The following SF3B2 variants were observed in gnomAD, a reference collection of about 807,000 sequenced individuals.
SF3B2 encodes the protein SAP 145.
SF3B2 carries 22 observed loss-of-function variants against 116.3 expected under a neutral mutation model. The observed-to-expected ratio is 0.19, with a 90% CI of 0.14 to 0.27. SF3B2 has a LOEUF of 0.27. Among genes scored for constraint, SF3B2 ranks in the 10% least tolerant of loss-of-function variants. The pLI is 1.00. For missense variants in SF3B2, 767 were observed against 1,151.4 expected (o/e 0.67, Z 4.83); for synonymous variants, 406 against 421.6 (o/e 0.96, Z 0.45).
Position 66,055,093 on chromosome 11 carries a change from G to GCCA in SF3B2, c.285_287dup (p.Pro96dup), listed in dbSNP as rs1457691168. On this transcript the variant is annotated inframe_insertion, in exon 4 of 22. Transcript: ENST00000322535. ...CTCCACAGCTCCCTGGAATTCCCAT[G>GCCA]CCACCACCACCTTTGGGACTCCCCC... 6 of 1,514,526 alleles carry GCCA rather than the reference G, an allele frequency of 4.0e-6. No homozygotes were observed. Among genetic ancestry groups the GCCA allele is most frequent in the Non-Finnish European group, 5.3e-6 (6 of 1,130,266 alleles). The allele number at this position is 1,514,526 out of a possible 1,614,324, so 93.8% of individuals were successfully genotyped here.
At chr11:66,056,731 G>A (rs763968515) in intron 5 of SF3B2, 107 bp from the exon 6 acceptor site, 19 of 800,082 alleles carry the variant, frequency 2.4e-5, no homozygotes, top group Middle Eastern at 2.4e-4. Flanking sequence ...CAAGTGGTTC[G>A]TGATTGTTCT....
intron 7 of SF3B2, among the ~76,000 whole-genome samples, chr11:66,057,790 T>C (rs1323396192): frequency 6.6e-6 from 1 of 151,712 alleles, no homozygotes; most frequent in African/African-American, 2.4e-5. Flanking sequence ...AGCCTCAACA[T>C]GGAGAAACCC....
chr11:66,065,912 GC>G (rs1316806988), intron 19 of SF3B2: 1 of 152,154 alleles, frequency 6.6e-6, no homozygotes, highest in African/African-American at 2.4e-5. Flanking sequence ...TTGCCCTGTT[GC>G]CTAGGCTGGA....
chr11:66,052,721 T>C lies in SF3B2; in HGVS notation c.180+2T>C. On this transcript the variant is annotated splice_donor_variant, in intron 2 of 21. Transcript: ENST00000322535. LOFTEE classifies it high-confidence loss of function. ...CGGCTGCAGAGCTACACCCGCCAGGTAGGTGTTGGCGGCGGGACGTCAGGA... is the reference window on the plus strand; with the variant it reads ...CGGCTGCAGAGCTACACCCGCCAGGCAGGTGTTGGCGGCGGGACGTCAGGA... 6.4e-7 allele frequency: 1 copy of C among 1,567,034 alleles called. No individual in the cohort carries two copies. Among genetic ancestry groups the C allele is most frequent in the African/African-American group, 1.4e-5 (1 of 72,930 alleles).
Position 66,063,697 on chromosome 11 carries a change from G to A in SF3B2, c.2298G>A (p.Leu766=), listed in dbSNP as rs757095846. The part of the protein sequence containing the change: ...AGMETPELIE[L]RKKKIEEAMD... ...TGGAGACCCCTGAACTCATTGAGCTGAGGAAGAAGAAGATTGAGGAGGCGA... is the reference window on the plus strand; with the variant it reads ...TGGAGACCCCTGAACTCATTGAGCTAAGGAAGAAGAAGATTGAGGAGGCGA... Residue 766 remains leucine, a synonymous_variant, in exon 19 of 22, where the codon CTG becomes CTA. Transcript: ENST00000322535. 6.2e-7 allele frequency: 1 copy of A among 1,613,316 alleles called. No individual in the cohort carries two copies. Among genetic ancestry groups the A allele is most frequent in the Non-Finnish European group, 8.5e-7 (1 of 1,179,686 alleles).
In SF3B2 at chr11:66,052,684, G is replaced by A; in HGVS notation, c.145G>A (p.Glu49Lys). 1 of 1,592,978 alleles carries A rather than the reference G, an allele frequency of 6.3e-7. No individual in the cohort carries two copies. Among genetic ancestry groups the A allele is most frequent in the Non-Finnish European group, 8.5e-7 (1 of 1,171,044 alleles). The change falls in exon 2 of 22, where the codon GAG becomes AAG. Residue 49 changes from glutamate to lysine, a missense_variant. Transcript: ENST00000322535. The part of the protein sequence containing the change: ...IGAPIQGNRE[E>K]LVERLQSYTR... ...ACTTTGCCCTGCAGGTAATCGCGAG[G>A]AGCTGGTGGAGCGGCTGCAGAGCTA...
chr11:66,067,174 T>C (rs537650738), intron 19 of SF3B2: 40 of 267,832 alleles, frequency 1.5e-4, no homozygotes, highest in African/African-American at 8.2e-4. Context: ...GAAGCAGAAG[T>C]CTCAAGCTTT....
chr11:66,061,274 T>G (rs1857096712), intron 14 of SF3B2, among the ~76,000 whole-genome samples: 1 of 152,114 alleles, frequency 6.6e-6, no homozygotes, highest in Non-Finnish European at 1.5e-5. Flanking sequence ...TAGTTTGTGG[T>G]AGGTGGTTTA....
At chr11:66,060,086 T>C in intron 13 of SF3B2, 77 bp downstream of exon 13, 1 of 1,357,606 alleles carries the variant, frequency 7.4e-7, no homozygotes, top group Non-Finnish European at 1.0e-6. Context: ...AATGGGAATC[T>C]GGTTTGAAAC....
chr11:66,055,341 T>C (rs1189676531), intron 4 of SF3B2, 26 bp downstream of exon 4: 3 of 1,604,672 alleles, frequency 1.9e-6, no homozygotes, highest in African/African-American at 2.7e-5. Flanking sequence ...GCCCTGGCCT[T>C]GGACTCATTA....
rs903504493 is a variant in SF3B2 at position 66,069,107 on chromosome 11, A to T, written c.*362A>T. On this transcript the variant is annotated 3_prime_UTR_variant, in exon 22 of 22. Transcript: ENST00000322535. ...CTGCTTTGTAGGAAGGCTTGGGGGA[A>T]GTACCTCTAGGTCTGGTTTGACCTT... 5.5e-6 allele frequency: 2 copies of T among 361,668 alleles called. No homozygotes were observed. The highest frequency in any genetic ancestry group is 1.1e-5 in the Non-Finnish European group (2 of 184,514). The allele number at this position is 361,668 out of a possible 1,614,324, so 22.4% of individuals were successfully genotyped here.
In SF3B2 at chr11:66,058,164, G is replaced by A. The variant is rs371157350; in HGVS notation, c.874+14G>A. ...ATTCTCAGCAGGGTGAGTGCCAGGC[G>A]TTCTGATGCTGTAGCCACAGAACCT... is the stretch of plus-strand genomic sequence containing the variant. On this transcript the variant is annotated intron_variant, in intron 8 of 21. Transcript: ENST00000322535. 29 of 1,603,784 alleles carry A rather than the reference G, an allele frequency of 1.8e-5. No homozygotes were observed. The highest frequency in any genetic ancestry group is 2.7e-5 in the African/African-American group (2 of 74,480).
In SF3B2 at chr11:66,057,486, G is replaced by T. The variant is rs1024243776; in HGVS notation, c.777+111G>T. 4.5e-6 allele frequency: 3 copies of T among 659,838 alleles called. No individual in the cohort carries two copies. In the Admixed American group the frequency reaches 8.1e-5, roughly 18 times the overall value. The allele number at this position is 659,838 out of a possible 1,614,324, so 40.9% of individuals were successfully genotyped here. A position where few individuals can be genotyped will look rare whatever the true frequency, so the allele number is the denominator to read the frequency against. On this transcript the variant is annotated intron_variant, in intron 7 of 21. Coordinates refer to ENST00000322535, the MANE Select transcript of SF3B2 (RefSeq NM_006842.3). ...AGAAGATGGGGGGACTTAAATTCCT[G>T]GGGGTAGTGGGGAGCCCTTCTTATT...
In SF3B2 at chr11:66,057,256, C is replaced by A; in HGVS notation, c.668-10C>A. Reference sequence around the variant, plus strand: ...CTTCTGACATTGGATTTCTTTTTCCCGTCTCTTAGTAGCTGCTCCAGTGGG... The same window carrying A: ...CTTCTGACATTGGATTTCTTTTTCCAGTCTCTTAGTAGCTGCTCCAGTGGG... On this transcript the variant is annotated splice_polypyrimidine_tract_variant and intron_variant, in intron 6 of 21. Coordinates refer to ENST00000322535, the MANE Select transcript of SF3B2 (RefSeq NM_006842.3). The A allele has an allele frequency of 6.6e-7, 1 of 1,523,134 alleles. No individual in the cohort carries two copies. The highest frequency in any genetic ancestry group is 9.1e-7 in the Non-Finnish European group (1 of 1,096,866). 94.4% of individuals were successfully genotyped at this position (1,523,134 alleles called of 1,614,324 possible).
rs976799129 is a variant in SF3B2, at chr11:66,067,948, G to A, written c.2333G>A (p.Ser778Asn). The change falls in exon 20 of 22, where the codon AGT (serine) becomes AAT (asparagine). Residue 778 changes from serine (S) to asparagine (N), a missense_variant and splice_region_variant. Transcript: ENST00000322535. ...CCTGATCCCATTGTCCTTCGCAGAA[G>A]TGAGACACCTCAGCTCTTCACTGTG... ...KKKIEEAMDG[S>N]ETPQLFTVLP... The A allele has an allele frequency of 1.9e-6, 3 of 1,613,600 alleles. No individual in the cohort carries two copies. In the Admixed American group the frequency reaches 5.0e-5, roughly 27 times the overall value.
rs745600868 is a variant in SF3B2 at position 66,063,721 on chromosome 11, G to A, written c.2322G>A (p.Ala774=). The A allele has an allele frequency of 3.4e-5, 54 of 1,611,026 alleles. No homozygotes were observed. Among genetic ancestry groups the A allele is most frequent in the Non-Finnish European group, 4.4e-5 (52 of 1,178,890 alleles). ...IELRKKKIEE[A]MDGSETPQLF... ...TGAGGAAGAAGAAGATTGAGGAGGCGATGGACGGGTAAGGGTACCAGACAG... is the reference window on the plus strand; with the variant it reads ...TGAGGAAGAAGAAGATTGAGGAGGCAATGGACGGGTAAGGGTACCAGACAG... Residue 774 remains alanine (A), a synonymous_variant, in exon 19 of 22, where the codon GCG becomes GCA. Coordinates refer to ENST00000322535, the MANE Select transcript of SF3B2 (RefSeq NM_006842.3).
In SF3B2 at chr11:66,052,740, G is replaced by A. The variant is rs1292227128; in HGVS notation, c.180+21G>A. 3 of 1,551,676 alleles carry A rather than the reference G, an allele frequency of 1.9e-6. No homozygotes were observed. In the African/African-American group the frequency reaches 4.1e-5, roughly 21 times the overall value. On this transcript the variant is annotated intron_variant, in intron 2 of 21. Coordinates refer to ENST00000322535, the MANE Select transcript of SF3B2 (RefSeq NM_006842.3). The stretch of plus-strand genomic sequence containing the variant: ...GCCAGGTAGGTGTTGGCGGCGGGAC[G>A]TCAGGATAGGCCGAGCTTCTCCAGG...
intron 14 of SF3B2, 58 bp downstream of exon 14, chr11:66,060,789 CTTTTT>C: frequency 6.5e-7 from 1 of 1,543,606 alleles, no homozygotes; most frequent in Admixed American, 1.9e-5. Context: ...CTGTCTAGGG[CTTTTT>C]TTTGTTTGTT....
At chr11:66,067,327 G>A (rs1231882137) in intron 19 of SF3B2, 1 of 444,124 alleles carries the variant, frequency 2.3e-6, no homozygotes, top group Non-Finnish European at 4.5e-6. Flanking sequence ...AAGCCTCAGA[G>A]GGTTTTGAGC....
Sources: gnomAD v4.1 joint callset for allele counts (sites outside exome capture counted in the v4.1 genomes callset) on GRCh38, gnomAD v4.1.1 for gene constraint, MANE v1.5 for transcripts, NCBI Gene and HGNC (gene_info 2026-07-23, HGNC 2026-07-21) for gene names.